CNBD1: variants seen among roughly 807,000 people sequenced by gnomAD.
CNBD1 encodes cyclic nucleotide binding domain containing 1.
CNBD1 carries 71 observed loss-of-function variants against 54.4 expected under a neutral mutation model. That is an observed-to-expected ratio of 1.30 (90% confidence interval 1.08 to 1.59). CNBD1 has a LOEUF of 1.59. Among genes scored for constraint, CNBD1 ranks in the 40% most tolerant of loss-of-function variants. The pLI, the probability that CNBD1 is intolerant of heterozygous loss-of-function variation, is 0.00. For missense variants in CNBD1, 659 were observed against 518.0 expected (o/e 1.27, Z -2.64); for synonymous variants, 182 against 170.7 (o/e 1.07, Z -0.51).
chr8:87,365,474 G>A (rs1003468715), intron 10 of CNBD1, among the ~76,000 whole-genome samples: 4 of 151,910 alleles, frequency 2.6e-5, no homozygotes, highest in African/African-American at 9.7e-5. Flanking sequence ...AAAAGCCACA[G>A]TAAAATGTTG....
chr8:87,241,922 T>TA (rs1475265667), intron 6 of CNBD1, among the ~76,000 whole-genome samples: 1 of 151,998 alleles, frequency 6.6e-6, no homozygotes, highest in African/African-American at 2.4e-5. Flanking sequence ...AGAATGTAAA[T>TA]AAAAAATAAA....
chr8:87,185,366 T>C (rs1447863120), intron 4 of CNBD1, among the ~76,000 whole-genome samples: 1 of 152,198 alleles, frequency 6.6e-6, no homozygotes, highest in Non-Finnish European at 1.5e-5. Flanking sequence ...CGCGTAGTAA[T>C]TTTTTATTGG....
At chr8:87,426,692 G>C (rs1808056661) in intron 2 of CNBD1, among the ~76,000 whole-genome samples, 1 of 152,124 alleles carries the variant, frequency 6.6e-6, no homozygotes, top group African/African-American at 2.4e-5. Flanking sequence ...AGCAATTTCT[G>C]TGAGGACTAC....
chr8:87,385,046 G>T (rs1811154894), downstream of CNBD1, among the ~76,000 whole-genome samples: 1 of 152,148 alleles, frequency 6.6e-6, no homozygotes, highest in Non-Finnish European at 1.5e-5. Context: ...AATCACTTGG[G>T]TTCTATATGC....
intron 1 of CNBD1, 129 bp downstream of exon 1, chr8:86,866,712 G>A: frequency 2.9e-6 from 2 of 687,226 alleles, no homozygotes; most frequent in Non-Finnish European, 5.2e-6. Flanking sequence ...CAGTGCTGAA[G>A]AATGGAAAGA....
chr8:87,411,397 C>CATATATATATAT (rs6150689), intron 2 of CNBD1, among the ~76,000 whole-genome samples: 1,248 of 92,302 alleles, frequency 0.014, 38 homozygotes, highest in East Asian at 0.022. Flanking sequence ...CTAGCTATAT[C>CATATATATATAT]ATATATATAT....
intron 6 of CNBD1, among the ~76,000 whole-genome samples, chr8:87,240,867 G>A (rs1162409577): frequency 6.6e-6 from 1 of 152,048 alleles, no homozygotes; most frequent in Non-Finnish European, 1.5e-5. Flanking sequence ...CCTGGCTTCA[G>A]GCAGTGACCA....
intron 4 of CNBD1, among the ~76,000 whole-genome samples, chr8:87,124,677 A>C (rs1435626110): frequency 2.0e-5 from 3 of 151,782 alleles, no homozygotes; most frequent in African/African-American, 7.2e-5. Flanking sequence ...CATATATGAC[A>C]AACTTGTAGG....
chr8:87,181,547 G>T (rs1299178653), intron 4 of CNBD1, among the ~76,000 whole-genome samples: 1 of 152,112 alleles, frequency 6.6e-6, no homozygotes, highest in Non-Finnish European at 1.5e-5. Flanking sequence ...TATCCAAATA[G>T]TCTGTAAAGC....
intron 10 of CNBD1, among the ~76,000 whole-genome samples, chr8:87,372,781 T>C (rs1298055869): frequency 1.3e-5 from 2 of 151,842 alleles, no homozygotes; most frequent in Non-Finnish European, 2.9e-5. Context: ...TGGCAAATTT[T>C]CACTAGATGT....
chr8:87,232,121 A>G (rs1563517254), intron 5 of CNBD1, among the ~76,000 whole-genome samples: 1 of 152,170 alleles, frequency 6.6e-6, no homozygotes, highest in Non-Finnish European at 1.5e-5. Context: ...TCCTTTTCAT[A>G]GCTGAGTAGT....
At chr8:86,934,475 T>A (rs79069151) in intron 3 of CNBD1, among the ~76,000 whole-genome samples, 11,358 of 152,262 alleles carry the variant, frequency 0.075, 518 homozygotes, top group African/African-American at 0.13. Context: ...TTTCCAATTC[T>A]TACATTTTGT....
At position 87,382,681 on chromosome 8, in the gene CNBD1, G is replaced by C. The variant is rs1233742143; in HGVS notation, c.*54G>C. On this transcript the variant is annotated 3_prime_UTR_variant, in exon 11 of 11. Transcript: ENST00000518476. ...TTAAGAAAGTATTGACTAAATAATG[G>C]AATAATTGCATTCTGGAATACTATC... The C allele has an allele frequency of 3.0e-6, 4 of 1,312,980 alleles. No homozygotes were observed. The highest frequency in any genetic ancestry group is 4.3e-6 in the Non-Finnish European group (4 of 938,294). 81.3% of individuals were successfully genotyped at this position (1,312,980 alleles called of 1,614,324 possible).
At chr8:87,318,530 C>G (rs955675677) in intron 8 of CNBD1, among the ~76,000 whole-genome samples, 2 of 152,004 alleles carry the variant, frequency 1.3e-5, no homozygotes, top group South Asian at 2.1e-4. Context: ...GAGGTTGTTC[C>G]CTCTAATAAT....
chr8:87,420,155 T>C (rs921799964), intron 2 of CNBD1, among the ~76,000 whole-genome samples: 3 of 151,922 alleles, frequency 2.0e-5, no homozygotes, highest in East Asian at 1.9e-4. Flanking sequence ...TTTCAGACTC[T>C]TAGTTTTAAT....
chr8:87,383,527 G>T (rs562616600), downstream of CNBD1, among the ~76,000 whole-genome samples: 2 of 152,236 alleles, frequency 1.3e-5, no homozygotes, highest in Admixed American at 1.3e-4. Context: ...ACTGAAGTCT[G>T]TCTGCCTTCC....
chr8:86,924,954 T>C (rs1809333753), intron 3 of CNBD1, among the ~76,000 whole-genome samples: 1 of 152,198 alleles, frequency 6.6e-6, no homozygotes, highest in South Asian at 2.1e-4. Flanking sequence ...ATTTTTCTAT[T>C]GCATTTTTGG....
At chr8:87,338,595 T>C (rs572032888) in intron 8 of CNBD1, among the ~76,000 whole-genome samples, 42 of 150,614 alleles carry the variant, frequency 2.8e-4, no homozygotes, top group African/African-American at 1.0e-3. Context: ...TTTTTTATTC[T>C]CTGCTTTCTT....
intron 8 of CNBD1, among the ~76,000 whole-genome samples, chr8:87,291,505 T>C: frequency 6.6e-6 from 1 of 151,994 alleles, no homozygotes; most frequent in East Asian, 1.9e-4. Flanking sequence ...ATCCGCCTCC[T>C]TCTTCTTTTT....
Sources: allele counts gnomAD v4.1 joint callset (sites outside exome capture counted in the v4.1 genomes callset), GRCh38; gene constraint gnomAD v4.1.1; transcripts MANE v1.5; gene names NCBI Gene and HGNC (gene_info 2026-07-23, HGNC 2026-07-21).